Variants in FAXDC2 observed in about 807,000 individuals in gnomAD.
The protein encoded by FAXDC2 is fatty acid hydroxylase domain containing 2, also known as fatty acid hydroxylase domain-containing protein 2.
FAXDC2 carries 41 observed loss-of-function variants against 40.9 expected under a neutral mutation model. That is an observed-to-expected ratio of 1.00 (90% confidence interval 0.78 to 1.30). The LOEUF (loss-of-function observed/expected upper bound fraction) is 1.30, where lower values mean the gene tolerates loss of function less well. Among genes scored for constraint, FAXDC2 ranks in the 50% most tolerant of loss-of-function variants. The pLI is 0.00. For missense variants in FAXDC2, 390 were observed against 408.8 expected (o/e 0.95, Z 0.40); for synonymous variants, 157 against 149.3 (o/e 1.05, Z -0.38).
rs869068025 is a variant in FAXDC2, at chr5:154,835,883, C to CTTTTTT, written c.49-955_49-950dup. Among the ~76,000 whole-genome samples the CTTTTTT allele has an allele frequency of 6.3e-4, 30 of 47,868 alleles. 2 individuals are homozygous for CTTTTTT. The highest frequency in any genetic ancestry group is 1.4e-3 in the East Asian group (3 of 2,204). 31.4% of individuals were successfully genotyped at this position (47,868 alleles called of 152,430 possible). On this transcript the variant is annotated intron_variant, in intron 2 of 8. Coordinates refer to ENST00000326080, the MANE Select transcript of FAXDC2 (RefSeq NM_032385.5). ...GGAGTGAGCCACCGCGCCCGGCCGA[C>CTTTTTT]TTTTTTTTTTTTTTTTTTTTTTTTT...
intron 2 of FAXDC2, 33 bp from the exon 3 acceptor site, chr5:154,834,967 C>G: frequency 7.1e-7 from 1 of 1,402,180 alleles, no homozygotes. Context: ...CAGACCCCAG[C>G]AAGCCTCCTG....
At chr5:154,845,678 AAAAAC>A (rs1007138476) in intron 1 of FAXDC2, among the ~76,000 whole-genome samples, 1 of 152,106 alleles carries the variant, frequency 6.6e-6, no homozygotes, top group Non-Finnish European at 1.5e-5. Context: ...GCAAACAAAA[AAAAAC>A]AAACTGGAAG....
chr5:154,822,274 A>G (rs1759908930), intron 7 of FAXDC2, 198 bp downstream of exon 7: 1 of 561,122 alleles, frequency 1.8e-6, no homozygotes, highest in East Asian at 2.9e-5. Context: ...AAAAAAAGAA[A>G]GTTGTTGGGA....
chr5:154,837,745 A>T (rs1760387018), intron 2 of FAXDC2, among the ~76,000 whole-genome samples: 1 of 152,222 alleles, frequency 6.6e-6, no homozygotes. Context: ...TGCAGGAGTT[A>T]GCTGGGGTCA....
At position 154,819,320 on chromosome 5, in the gene FAXDC2, G is replaced by A. The variant is rs994089297; in HGVS notation, c.*996C>T. On this transcript the variant is annotated 3_prime_UTR_variant, in exon 9 of 9. Transcript: ENST00000326080. Reference sequence around the variant, plus strand: ...CAGCTGTGGTTTTGCCTTTGATAAGGTTCCTGGTAAAAATCATCTTGAATA... The same window carrying A: ...CAGCTGTGGTTTTGCCTTTGATAAGATTCCTGGTAAAAATCATCTTGAATA... 1.3e-5 allele frequency: 2 copies of A among 152,168 alleles called. No homozygotes were observed. The highest frequency in any genetic ancestry group is 1.5e-5 in the Non-Finnish European group (1 of 68,032). 9.4% of individuals were successfully genotyped at this position (152,168 alleles called of 1,614,324 possible).
chr5:154,821,356 C>T lies in FAXDC2; in HGVS notation c.749G>A (p.Trp250Ter), dbSNP rs957074353. Residue 250 changes from tryptophan to a stop codon, truncating the protein, a stop_gained, in exon 8 of 9, where the codon TGG (tryptophan) becomes TAG (stop). Transcript: ENST00000326080. LOFTEE classifies it high-confidence loss of function. ...GGTGATGATGAGGGCCAAGGAAAAC[C>T]ACATGGTGATGGAGGACAAGTGGGA... ...MGSHLSSITM[W>*]FSLALIITTI... is the part of the protein sequence containing the mutation. The T allele has an allele frequency of 1.3e-5, 21 of 1,611,178 alleles. No homozygotes were observed. The highest frequency in any genetic ancestry group is 1.8e-5 in the Non-Finnish European group (21 of 1,179,144).
At chr5:154,832,533 T>C (rs1256971255) in intron 4 of FAXDC2, among the ~76,000 whole-genome samples, 1 of 152,154 alleles carries the variant, frequency 6.6e-6, no homozygotes, top group African/African-American at 2.4e-5. Flanking sequence ...AAAAATAAAC[T>C]ATTTTTTACT....
At position 154,820,265 on chromosome 5, in the gene FAXDC2, T is replaced by A. The variant is rs1239007256; in HGVS notation, c.*51A>T. The A allele has an allele frequency of 6.8e-7, 1 of 1,469,586 alleles. No individual in the cohort carries two copies. The highest frequency in any genetic ancestry group is 9.2e-7 in the Non-Finnish European group (1 of 1,083,464). The allele number at this position is 1,469,586 out of a possible 1,614,324, so 91.0% of individuals were successfully genotyped here. A position where few individuals can be genotyped will look rare whatever the true frequency, so the allele number is the denominator to read the frequency against. ...ATTGTTAGGTGCAATCAGGAAGCCG[T>A]GTCTGCATCCCATGGCTGAGGGACA... On this transcript the variant is annotated 3_prime_UTR_variant, in exon 9 of 9. Coordinates refer to ENST00000326080, the MANE Select transcript of FAXDC2 (RefSeq NM_032385.5).
intron 5 of FAXDC2, among the ~76,000 whole-genome samples, chr5:154,828,188 A>C (rs913140715): frequency 6.7e-6 from 1 of 148,988 alleles, no homozygotes; most frequent in Non-Finnish European, 1.5e-5. Flanking sequence ...TCAGGATCTC[A>C]CTCTGTCACC....
rs1266306769 is a variant in FAXDC2 at position 154,823,558 on chromosome 5, G to A, written c.401C>T (p.Thr134Ile). ...DPVKLRQSIR[T>I]VLFNQCMISF... ...TATCATGCACTGGTTGAAAAGAACT[G>A]TGCGGATAGACTGGCGCAGTTTCAC... Residue 134 changes from threonine (T) to isoleucine (I), a missense_variant, in exon 6 of 9, where the codon ACA becomes ATA. By Grantham distance (89) the Thr-to-Ile change is moderately conservative. Coordinates refer to ENST00000326080, the MANE Select transcript of FAXDC2 (RefSeq NM_032385.5). The A allele has an allele frequency of 1.2e-6, 2 of 1,614,092 alleles. No individual in the cohort carries two copies. Among genetic ancestry groups the A allele is most frequent in the Non-Finnish European group, 1.7e-6 (2 of 1,180,028 alleles).
chr5:154,849,932 T>C (rs1269023533), intron 1 of FAXDC2, among the ~76,000 whole-genome samples: 1 of 152,212 alleles, frequency 6.6e-6, no homozygotes, highest in Non-Finnish European at 1.5e-5. Flanking sequence ...TGTTGGTAAA[T>C]CCAAGTATGT....
chr5:154,848,525 C>T (rs924712557), intron 1 of FAXDC2, among the ~76,000 whole-genome samples: 29 of 152,172 alleles, frequency 1.9e-4, no homozygotes, highest in African/African-American at 5.8e-4. Context: ...GCTGAGCAGT[C>T]GACCTCCAGG....
intron 2 of FAXDC2, chr5:154,835,202 G>A (rs1217390457): frequency 5.2e-6 from 2 of 383,308 alleles, no homozygotes; most frequent in African/African-American, 4.2e-5. Flanking sequence ...AAACTAGCAG[G>A]CAATTCTGTC....
At chr5:154,842,148 A>G (rs1760489346) in intron 1 of FAXDC2, among the ~76,000 whole-genome samples, 1 of 151,960 alleles carries the variant, frequency 6.6e-6, no homozygotes, top group African/African-American at 2.4e-5. Flanking sequence ...TAAACCTATC[A>G]AATGTTTCAT....
At chr5:154,830,744 A>G in intron 5 of FAXDC2, 57 bp downstream of exon 5, 1 of 1,605,338 alleles carries the variant, frequency 6.2e-7, no homozygotes, top group Non-Finnish European at 8.5e-7. Context: ...GAATTCTGAG[A>G]GTGTGGCTTT....
At chr5:154,825,667 A>AAAAAAAAAAAAAAAAAAAAAAC in intron 5 of FAXDC2, among the ~76,000 whole-genome samples, 1 of 147,920 alleles carries the variant, frequency 6.8e-6, no homozygotes, top group Admixed American at 6.7e-5. Flanking sequence ...AAAAAAAAAA[A>AAAAAAAAAAAAAAAAAAAAAAC]AGCAGTAATA....
intron 4 of FAXDC2, among the ~76,000 whole-genome samples, chr5:154,831,826 GAAGAA>G (rs998207524): frequency 1.3e-5 from 2 of 152,012 alleles, no homozygotes; most frequent in African/African-American, 4.8e-5. Flanking sequence ...AAGGGAGAAA[GAAGAA>G]AAGGACACAC....
intron 8 of FAXDC2, chr5:154,820,936 C>G (rs1759871801): frequency 3.2e-6 from 1 of 313,300 alleles, no homozygotes; most frequent in African/African-American, 2.2e-5. Context: ...TTGAAAAAGT[C>G]TGGGGCTTTC....
chr5:154,821,757 G>A (rs2113119086), intron 7 of FAXDC2, among the ~76,000 whole-genome samples: 1 of 152,104 alleles, frequency 6.6e-6, no homozygotes, highest in South Asian at 2.1e-4. Context: ...GCCAGTCTGG[G>A]CAAAATAGCA....
Sources: gnomAD v4.1 joint callset for allele counts (sites outside exome capture counted in the v4.1 genomes callset) on GRCh38, gnomAD v4.1.1 for gene constraint, MANE v1.5 for transcripts, NCBI Gene and HGNC (gene_info 2026-07-23, HGNC 2026-07-21) for gene names.